EPHB2: variants seen among roughly 807,000 people sequenced by gnomAD.
EPHB2 encodes ephrin type-B receptor 2.
In EPHB2, 18 loss-of-function variants were observed where a neutral mutation model predicts 96.4. The observed-to-expected ratio is 0.19, with a 90% CI of 0.13 to 0.28. The LOEUF (loss-of-function observed/expected upper bound fraction) is 0.28. Ranked by LOEUF, EPHB2 falls within the 10% of genes least tolerant of loss-of-function variation. EPHB2 has a pLI of 1.00. For synonymous variants in EPHB2, 506 were observed against 534.1 expected (o/e 0.95, Z 0.72); for missense variants, 989 against 1,355.4 (o/e 0.73, Z 4.25).
chr1:22,891,552 G>A (rs552780672), intron 6 of EPHB2, among the ~76,000 whole-genome samples: 7 of 152,306 alleles, frequency 4.6e-5, no homozygotes, highest in South Asian at 4.1e-4. Context: ...AAGTTTTGCC[G>A]GGCGGCTGAC....
intron 1 of EPHB2, among the ~76,000 whole-genome samples, chr1:22,764,757 G>A (rs1409259385): frequency 3.3e-5 from 5 of 152,104 alleles, no homozygotes; most frequent in Non-Finnish European, 4.4e-5. Context: ...CTAAATGACT[G>A]CTGAGGCCAC....
intron 3 of EPHB2, among the ~76,000 whole-genome samples, chr1:22,859,044 A>G (rs12731911): frequency 0.54 from 82,685 of 152,018 alleles, 24,770 homozygotes; most frequent in East Asian, 0.89. Flanking sequence ...AGGCGGAGGC[A>G]GGAGAATCAC....
At chr1:22,799,607 A>G (rs1034591157) in intron 3 of EPHB2, among the ~76,000 whole-genome samples, 3 of 152,208 alleles carry the variant, frequency 2.0e-5, no homozygotes, top group African/African-American at 4.8e-5. Flanking sequence ...TGCGATCTAA[A>G]TGCTCGAAGT....
At chr1:22,743,241 G>A (rs897536917) in intron 1 of EPHB2, among the ~76,000 whole-genome samples, 15 of 152,018 alleles carry the variant, frequency 9.9e-5, no homozygotes, top group Admixed American at 3.3e-4. Flanking sequence ...CATGCTCTCC[G>A]GAATGTATTG....
intron 6 of EPHB2, among the ~76,000 whole-genome samples, chr1:22,889,702 G>A (rs1463738289): frequency 6.6e-6 from 1 of 152,146 alleles, no homozygotes; most frequent in Non-Finnish European, 1.5e-5. Context: ...AGTCTTGAAC[G>A]ATGAGTAGGA....
Position 22,906,156 on chromosome 1 carries a change from GGT to G in EPHB2, c.1888+49_1888+50del. The G allele has an allele frequency of 6.2e-7, 1 of 1,613,704 alleles. No homozygotes were observed. The highest frequency in any genetic ancestry group is 1.1e-5 in the South Asian group (1 of 90,972). On this transcript the variant is annotated intron_variant, in intron 10 of 15. Transcript: ENST00000374630. This position sits in a 1 kb window ranked among gnomAD's most constrained non-coding sequence, Gnocchi z 4.8. ...ATGTACTATGACCTTAGCCATGGCT[GGT>G]GAGACCACCCCAATGTATACCCTTG...
intron 6 of EPHB2, among the ~76,000 whole-genome samples, chr1:22,889,543 G>A (rs1639328103): frequency 6.6e-6 from 1 of 152,194 alleles, no homozygotes; most frequent in South Asian, 2.1e-4. Context: ...AGATGAGCAA[G>A]ACATGGTCCC....
intron 8 of EPHB2, among the ~76,000 whole-genome samples, chr1:22,896,008 CA>C (rs1254587993): frequency 1.3e-5 from 2 of 152,178 alleles, no homozygotes; most frequent in Non-Finnish European, 2.9e-5. Flanking sequence ...TAGGACGGTA[CA>C]AGCAAAGGCA....
intron 3 of EPHB2, among the ~76,000 whole-genome samples, chr1:22,787,840 T>A (rs188578776): frequency 6.6e-6 from 1 of 152,266 alleles, no homozygotes; most frequent in Admixed American, 6.5e-5. Context: ...TCCCATGAGG[T>A]TGCACTCAAG....
intron 4 of EPHB2, among the ~76,000 whole-genome samples, chr1:22,864,523 G>C (rs960433355): frequency 1.3e-4 from 20 of 152,216 alleles, no homozygotes; most frequent in Admixed American, 1.1e-3. Flanking sequence ...CTTAAACACA[G>C]GAGGCTGGGA....
chr1:22,880,369 G>T (rs906473323), intron 5 of EPHB2, among the ~76,000 whole-genome samples: 2 of 152,246 alleles, frequency 1.3e-5, no homozygotes, highest in African/African-American at 4.8e-5. Context: ...TTGGGGCTAG[G>T]AGAAGTGTCA....
chr1:22,726,815 G>A (rs1240850290), intron 1 of EPHB2, among the ~76,000 whole-genome samples: 3 of 152,300 alleles, frequency 2.0e-5, no homozygotes, highest in Middle Eastern at 3.4e-3. Context: ...GTACATACTT[G>A]TGTATGAGAT....
chr1:22,900,382 G>C, intron 9 of EPHB2, among the ~76,000 whole-genome samples: 1 of 152,296 alleles, frequency 6.6e-6, no homozygotes, highest in Middle Eastern at 3.4e-3. Flanking sequence ...GTGGCTAGAC[G>C]TACTGCGTGC....
chr1:22,778,447 G>T (rs1570260236), intron 1 of EPHB2, among the ~76,000 whole-genome samples: 2 of 152,214 alleles, frequency 1.3e-5, no homozygotes, highest in East Asian at 3.8e-4. Context: ...TTTGTGCAGA[G>T]GTAGAGGGAG....
intron 3 of EPHB2, among the ~76,000 whole-genome samples, chr1:22,802,830 T>C (rs1570305645): frequency 6.6e-6 from 1 of 152,162 alleles, no homozygotes; most frequent in Non-Finnish European, 1.5e-5. Context: ...CCTGCCCCTC[T>C]AGAAATGTGT....
In EPHB2 at chr1:22,920,301, T is replaced by C. The variant is rs1245477336; in HGVS notation, c.*6731T>C. On this transcript the variant is annotated 3_prime_UTR_variant, in exon 16 of 16. Coordinates refer to ENST00000374630, the MANE Select transcript of EPHB2 (RefSeq NM_017449.5). ...GGCTCAGTCTGGGGAGGGACTCATC[T>C]GGGGTGGAATTTCCCTCCCTGCAGC... 6.6e-6 allele frequency: 1 copy of C among 152,264 alleles called. No homozygotes were observed. Among genetic ancestry groups the C allele is most frequent in the Non-Finnish European group, 1.5e-5 (1 of 68,072 alleles). The allele number at this position is 152,264 out of a possible 1,614,324, so 9.4% of individuals were successfully genotyped here. A position where few individuals can be genotyped will look rare whatever the true frequency, so the allele number is the denominator to read the frequency against.
intron 15 of EPHB2, 87 bp downstream of exon 15, chr1:22,912,686 G>A: frequency 1.9e-6 from 3 of 1,585,370 alleles, no homozygotes; most frequent in Non-Finnish European, 2.6e-6. Context: ...GGAGGGTGAG[G>A]AATAGATCAT....
chr1:22,860,477 G>A lies in EPHB2; in HGVS notation c.812-2560G>A, dbSNP rs969509285. ...CCAGGCAACAGAGCAAATGAAGGGC[G>A]GCTTAGGGCAGGGGCAGCCTGGGGA... On this transcript the variant is annotated intron_variant, in intron 3 of 15. Transcript: ENST00000374630. The surrounding 1 kb of genome is among the most constrained non-coding windows in gnomAD (Gnocchi z 4.6). 9.9e-5 allele frequency among the ~76,000 whole-genome samples: 15 copies of A among 152,164 alleles called. No homozygotes were observed. The highest frequency in any genetic ancestry group is 2.2e-4 in the Non-Finnish European group (15 of 68,030).
intron 1 of EPHB2, among the ~76,000 whole-genome samples, chr1:22,754,957 GC>G (rs1644125906): frequency 2.0e-5 from 2 of 101,704 alleles, no homozygotes; most frequent in Middle Eastern, 5.1e-3. Flanking sequence ...GAGGCGAGGG[GC>G]AGGAGAGGTG....
Sources: allele counts gnomAD v4.1 joint callset (sites outside exome capture counted in the v4.1 genomes callset), GRCh38; gene constraint gnomAD v4.1.1; non-coding constraint Gnocchi (gnomAD v3.1); transcripts MANE v1.5; gene names NCBI Gene and HGNC (gene_info 2026-07-23, HGNC 2026-07-21).